The following CSMD1 variants were observed in gnomAD, a reference collection of about 807,000 sequenced individuals.
The protein encoded by CSMD1 is CUB and Sushi multiple domains 1.
CSMD1 carries 213 observed loss-of-function variants against 417.5 expected under a neutral mutation model. The observed-to-expected ratio is 0.51, with a 90% CI of 0.46 to 0.57. The LOEUF (loss-of-function observed/expected upper bound fraction) is 0.57, where lower values mean the gene tolerates loss of function less well. Among genes scored for constraint, CSMD1 ranks in the 20% least tolerant of loss-of-function variants. The pLI, the probability that CSMD1 is intolerant of heterozygous loss-of-function variation, is 0.00. For missense variants in CSMD1, 6,923 were observed against 4,529.7 expected, an observed-to-expected ratio of 1.53 and a Z score of -15.17; for synonymous variants, 2,862 against 1,736.8, an observed-to-expected ratio of 1.65 and a Z score of -16.11.
intron 3 of CSMD1, among the ~76,000 whole-genome samples, chr8:4,322,860 T>C (rs748623630): frequency 6.6e-6 from 1 of 152,180 alleles, no homozygotes; most frequent in Non-Finnish European, 1.5e-5. Flanking sequence ...AGCCAGGCTT[T>C]TGTAGTCCCA....
intron 3 of CSMD1, among the ~76,000 whole-genome samples, chr8:4,054,118 G>A (rs143566986): frequency 3.1e-4 from 47 of 152,230 alleles, no homozygotes; most frequent in African/African-American, 1.1e-3. Flanking sequence ...TCTCTAAGCA[G>A]CCATTCTCCA....
At position 3,117,827 on chromosome 8, in the gene CSMD1, T is replaced by C. The variant is rs79053714; in HGVS notation, c.6430+572A>G. On this transcript the variant is annotated intron_variant, in intron 42 of 69. Coordinates refer to ENST00000635120, the MANE Select transcript of CSMD1 (RefSeq NM_033225.6). ...ACTATTAAACCACTCTACTATTTTC[T>C]CCTATGGCTACCTGTACACTGCGCT... Among the ~76,000 whole-genome samples, 1,331 of 152,260 alleles carry C rather than the reference T, an allele frequency of 8.7e-3. 14 individuals are homozygous for C. Among genetic ancestry groups the C allele is most frequent in the South Asian group, 0.052 (250 of 4,818 alleles).
At chr8:4,055,438 A>T (rs1798641822) in intron 3 of CSMD1, among the ~76,000 whole-genome samples, 1 of 152,028 alleles carries the variant, frequency 6.6e-6, no homozygotes, top group African/African-American at 2.4e-5. Flanking sequence ...AAATCAGATC[A>T]GCATTTTGAA....
chr8:4,419,790 A>T (rs898217329), intron 3 of CSMD1, among the ~76,000 whole-genome samples, 163 bp downstream of exon 3: 1 of 152,210 alleles, frequency 6.6e-6, no homozygotes, highest in Non-Finnish European at 1.5e-5. Context: ...TTTGGCGATT[A>T]TAACAGTGTT....
At chr8:3,763,464 C>A (rs1156319130) in intron 5 of CSMD1, among the ~76,000 whole-genome samples, 1 of 152,108 alleles carries the variant, frequency 6.6e-6, no homozygotes, top group Non-Finnish European at 1.5e-5. Flanking sequence ...CCCCTCTCCT[C>A]TCCTTTGCTC....
chr8:3,397,480 G>A (rs939322327), intron 16 of CSMD1, among the ~76,000 whole-genome samples: 1 of 152,206 alleles, frequency 6.6e-6, no homozygotes. Flanking sequence ...TGGTACCCTG[G>A]GCCCCATTCT....
chr8:4,369,992 C>A (rs1215010860), intron 3 of CSMD1, among the ~76,000 whole-genome samples: 1 of 151,998 alleles, frequency 6.6e-6, no homozygotes, highest in Admixed American at 6.6e-5. Context: ...TATCATCTTG[C>A]TGTAAGCTGG....
chr8:4,089,620 T>C (rs1175656968), intron 3 of CSMD1, among the ~76,000 whole-genome samples: 1 of 152,208 alleles, frequency 6.6e-6, no homozygotes, highest in Non-Finnish European at 1.5e-5. Context: ...TAAAATTATG[T>C]GCACTATTCT....
rs568987356 is a variant in CSMD1 at position 4,713,952 on chromosome 8, C to G, written c.86-76394G>C. On this transcript the variant is annotated intron_variant, in intron 1 of 69. Coordinates refer to ENST00000635120, the MANE Select transcript of CSMD1 (RefSeq NM_033225.6). ...TTGAGGTCAGGAGTTCAAAACCAGC[C>G]TGGCCAACATGGTAAAACCCCGTCT... Among the ~76,000 whole-genome samples, 120 of 152,210 alleles carry G rather than the reference C, an allele frequency of 7.9e-4. 1 individual carries two copies. Among genetic ancestry groups the G allele is most frequent in the African/African-American group, 2.8e-3 (118 of 41,538 alleles).
chr8:3,788,399 A>C (rs1022581654), intron 5 of CSMD1, among the ~76,000 whole-genome samples: 41 of 152,212 alleles, frequency 2.7e-4, no homozygotes, highest in African/African-American at 9.6e-4. Context: ...GTCACAGAAG[A>C]CCCAAGTGAG....
chr8:3,188,807 C>T, intron 35 of CSMD1, 80 bp downstream of exon 35: 1 of 1,239,056 alleles, frequency 8.1e-7, no homozygotes, highest in Non-Finnish European at 1.1e-6. Flanking sequence ...TGGAAAGAAA[C>T]ATAGAACAAA....
intron 1 of CSMD1, among the ~76,000 whole-genome samples, chr8:4,667,670 T>C (rs542733719): frequency 6.6e-6 from 1 of 152,348 alleles, no homozygotes; most frequent in Admixed American, 6.5e-5. Flanking sequence ...TCAGTGATTG[T>C]TGGTTAAAGA....
intron 3 of CSMD1, among the ~76,000 whole-genome samples, chr8:4,264,380 T>C (rs1336374616): frequency 6.6e-6 from 1 of 152,200 alleles, no homozygotes; most frequent in Non-Finnish European, 1.5e-5. Flanking sequence ...TTTTAGAAGA[T>C]AATACAAGAA....
chr8:4,034,786 G>A (rs919079711), intron 3 of CSMD1, among the ~76,000 whole-genome samples: 1 of 152,112 alleles, frequency 6.6e-6, no homozygotes, highest in African/African-American at 2.4e-5. Flanking sequence ...ATTATTAACT[G>A]CTACTGCTAA....
At chr8:4,127,982 G>C (rs1376358266) in intron 3 of CSMD1, among the ~76,000 whole-genome samples, 1 of 152,304 alleles carries the variant, frequency 6.6e-6, no homozygotes, top group East Asian at 1.9e-4. Context: ...AAATGCCACT[G>C]CTTTGGGAAA....
intron 6 of CSMD1, among the ~76,000 whole-genome samples, chr8:3,746,969 G>A (rs1044424372): frequency 2.0e-5 from 3 of 152,184 alleles, no homozygotes; most frequent in African/African-American, 4.8e-5. Flanking sequence ...ATAAAGCTGT[G>A]ACTAAATTAC....
At chr8:4,174,050 G>C (rs1797907843) in intron 3 of CSMD1, among the ~76,000 whole-genome samples, 1 of 152,182 alleles carries the variant, frequency 6.6e-6, no homozygotes, top group Non-Finnish European at 1.5e-5. Context: ...CATTGGTTTA[G>C]GCCTGGGCCA....
intron 30 of CSMD1, 30 bp downstream of exon 30, chr8:3,214,467 T>A (rs756091921): frequency 1.3e-6 from 2 of 1,494,616 alleles, no homozygotes; most frequent in Non-Finnish European, 1.8e-6. Flanking sequence ...GAAAGTTGTA[T>A]TTCTAGAAAA....
At chr8:4,130,752 G>T (rs1159486709) in intron 3 of CSMD1, among the ~76,000 whole-genome samples, 1 of 151,940 alleles carries the variant, frequency 6.6e-6, no homozygotes, top group Non-Finnish European at 1.5e-5. Flanking sequence ...GGAAGATTTT[G>T]AGGTGGTTAA....
Sources: allele counts gnomAD v4.1 joint callset (sites outside exome capture counted in the v4.1 genomes callset), GRCh38; gene constraint gnomAD v4.1.1; transcripts MANE v1.5; gene names NCBI Gene and HGNC (gene_info 2026-07-23, HGNC 2026-07-21).